The following ATG5 variants were observed in gnomAD, a reference collection of about 807,000 sequenced individuals.
The protein encoded by ATG5 is autophagy related 5, also known as autophagy protein 5.
A neutral mutation model predicts 36.5 loss-of-function variants in ATG5; 14 were observed. That is an observed-to-expected ratio of 0.38 (90% CI 0.25 to 0.60). The LOEUF is 0.60. Among genes scored for constraint, ATG5 ranks in the 20% least tolerant of loss-of-function variants. The probability of loss-of-function intolerance (pLI) is 0.60; values close to 1 mark genes in which losing one functional copy is unlikely to be tolerated. For missense variants in ATG5, 195 were observed against 326.7 expected (o/e 0.60, Z 3.11); for synonymous variants, 95 against 101.5 (o/e 0.94, Z 0.38).
chr6:106,325,378 C>G (rs1331915043), intron 1 of ATG5, 148 bp downstream of exon 1: 1 of 152,624 alleles, frequency 6.6e-6, no homozygotes, highest in Non-Finnish European at 1.5e-5. Context: ...CCACCTTGCC[C>G]GGAGGAACCA....
chr6:106,198,836 A>G (rs1045380176), intron 7 of ATG5, among the ~76,000 whole-genome samples: 1 of 152,142 alleles, frequency 6.6e-6, no homozygotes, highest in Non-Finnish European at 1.5e-5. Context: ...GTCACAGACT[A>G]GGAGAAAATA....
chr6:106,319,538 G>C (rs1770984316), intron 1 of ATG5, among the ~76,000 whole-genome samples: 1 of 152,134 alleles, frequency 6.6e-6, no homozygotes, highest in African/African-American at 2.4e-5. Context: ...CTTTGCCCAT[G>C]CTGGTGGTAC....
intron 6 of ATG5, among the ~76,000 whole-genome samples, chr6:106,209,581 C>T (rs1024663919): frequency 6.6e-6 from 1 of 152,106 alleles, no homozygotes; most frequent in Non-Finnish European, 1.5e-5. Flanking sequence ...CTAAGAGATC[C>T]TTCTGTTGAA....
intron 3 of ATG5, among the ~76,000 whole-genome samples, chr6:106,295,819 C>A (rs1267911263): frequency 6.6e-6 from 1 of 152,126 alleles, no homozygotes; most frequent in African/African-American, 2.4e-5. Context: ...CCACCTTGGC[C>A]ACCCAAAGTA....
intron 1 of ATG5, among the ~76,000 whole-genome samples, chr6:106,322,081 G>A (rs1241220659): frequency 6.6e-6 from 1 of 152,082 alleles, no homozygotes; most frequent in Non-Finnish European, 1.5e-5. Context: ...CCAATTTCAA[G>A]GAACTGTCTT....
At chr6:106,297,765 CATAT>C (rs1554223961) in intron 3 of ATG5, among the ~76,000 whole-genome samples, 12 of 108,098 alleles carry the variant, frequency 1.1e-4, no homozygotes, top group African/African-American at 3.8e-4. Context: ...CACACACACA[CATAT>C]ATATTTTAAA....
At chr6:106,211,197 T>G (rs753255775) in intron 6 of ATG5, among the ~76,000 whole-genome samples, 30 of 152,150 alleles carry the variant, frequency 2.0e-4, no homozygotes, top group Admixed American at 1.3e-4. Flanking sequence ...GGAGATTCTA[T>G]TCACTGAAAC....
chr6:106,322,390 C>T (rs919907936), intron 1 of ATG5, among the ~76,000 whole-genome samples: 4 of 152,164 alleles, frequency 2.6e-5, no homozygotes, highest in Non-Finnish European at 5.9e-5. Flanking sequence ...CTAAACTAAG[C>T]GTGTAAACAG....
chr6:106,283,333 G>A (rs1400212754), intron 4 of ATG5: 1 of 152,120 alleles, frequency 6.6e-6, no homozygotes. Flanking sequence ...TCTCATTTCT[G>A]GAAAAAGTTT....
At chr6:106,250,641 C>G (rs1046919505) in intron 5 of ATG5, among the ~76,000 whole-genome samples, 2 of 152,162 alleles carry the variant, frequency 1.3e-5, no homozygotes, top group African/African-American at 4.8e-5. Flanking sequence ...AAGAATGTGA[C>G]AGCTAAATAT....
At chr6:106,269,874 G>A (rs1779385050) in intron 5 of ATG5, among the ~76,000 whole-genome samples, 1 of 152,230 alleles carries the variant, frequency 6.6e-6, no homozygotes, top group Non-Finnish European at 1.5e-5. Context: ...GTGGGCTGAA[G>A]GGCTCAAGTG....
intron 5 of ATG5, 71 bp downstream of exon 5, chr6:106,279,590 C>A (rs762676869): frequency 2.0e-4 from 252 of 1,238,958 alleles, no homozygotes; most frequent in Admixed American, 7.2e-4. Context: ...AATGTATCAA[C>A]TACTCACAGG....
At chr6:106,214,011 G>A (rs897503672) in intron 6 of ATG5, among the ~76,000 whole-genome samples, 1 of 152,114 alleles carries the variant, frequency 6.6e-6, no homozygotes, top group African/African-American at 2.4e-5. Flanking sequence ...TCTTGTTAAT[G>A]AGAATAAATA....
At position 106,279,778 on chromosome 6, in the gene ATG5, T is replaced by C. The variant is rs147641218; in HGVS notation, c.361A>G (p.Ile121Val). ...DLLHCPSKDA[I>V]EAHFMSCMKE... is the part of the protein sequence containing the mutation. ...ATACATGACATAAAATGAGCTTCAA[T>C]TGCATCCTTAGATGGACAGTGCAGA... Residue 121 changes from isoleucine to valine, a missense_variant, in exon 5 of 8, where the codon ATT (isoleucine) becomes GTT (valine). Coordinates refer to ENST00000369076, the MANE Select transcript of ATG5 (RefSeq NM_004849.4). 1.1e-4 allele frequency: 183 copies of C among 1,606,524 alleles called. No individual in the cohort carries two copies. Among genetic ancestry groups the C allele is most frequent in the Middle Eastern group, 1.7e-4 (1 of 6,052 alleles).
intron 6 of ATG5, among the ~76,000 whole-genome samples, chr6:106,204,109 G>A (rs1256048049): frequency 6.6e-6 from 1 of 152,102 alleles, no homozygotes; most frequent in African/African-American, 2.4e-5. Flanking sequence ...GATAGCATTA[G>A]GAGAAATACC....
At chr6:106,308,668 A>C (rs534848895) in intron 2 of ATG5, among the ~76,000 whole-genome samples, 177 bp from the exon 3 acceptor site, 12 of 152,312 alleles carry the variant, frequency 7.9e-5, no homozygotes, top group Non-Finnish European at 1.8e-4. Flanking sequence ...AGATGTTTTA[A>C]TATTTCTTAT....
At chr6:106,269,358 C>T (rs987527167) in intron 5 of ATG5, among the ~76,000 whole-genome samples, 2 of 152,006 alleles carry the variant, frequency 1.3e-5, no homozygotes, top group Non-Finnish European at 2.9e-5. Flanking sequence ...CAGCTGGCTT[C>T]ACCGGGGCTG....
At chr6:106,194,430 A>T (rs1273936942) in intron 7 of ATG5, among the ~76,000 whole-genome samples, 1 of 152,162 alleles carries the variant, frequency 6.6e-6, no homozygotes, top group Non-Finnish European at 1.5e-5. Context: ...TAACTGCTTC[A>T]TGTCTGAAAA....
chr6:106,216,362 T>C (rs1186228575), intron 6 of ATG5, among the ~76,000 whole-genome samples: 1 of 152,210 alleles, frequency 6.6e-6, no homozygotes. Context: ...TGTCTATCAA[T>C]TGGTGAATTG....
Sources: gnomAD v4.1 joint callset for allele counts (sites outside exome capture counted in the v4.1 genomes callset) on GRCh38, gnomAD v4.1.1 for gene constraint, MANE v1.5 for transcripts, NCBI Gene and HGNC (gene_info 2026-07-23, HGNC 2026-07-21) for gene names.